Variants in KIAA1328 observed in about 807,000 individuals in gnomAD.
The protein encoded by KIAA1328 is KIAA1328.
Under a neutral mutation model 68.1 loss-of-function variants are expected in KIAA1328, and 52 were observed. The ratio of observed to expected loss-of-function variants is 0.76; its 90% CI spans 0.61 to 0.96. KIAA1328 has a LOEUF of 0.96. KIAA1328 is among the 40% of genes least tolerant of loss of function. The pLI is 0.00. For synonymous variants in KIAA1328, 232 were observed against 239.4 expected, an observed-to-expected ratio of 0.97 and a Z score of 0.28; for missense variants, 641 against 677.6, an observed-to-expected ratio of 0.95 and a Z score of 0.60.
intron 9 of KIAA1328, among the ~76,000 whole-genome samples, chr18:37,212,561 G>T (rs1034694779): frequency 2.6e-5 from 4 of 152,064 alleles, no homozygotes; most frequent in African/African-American, 9.7e-5. Context: ...AAAGCATGAA[G>T]GGTAATAGTA....
chr18:37,037,422 C>T (rs748593658), intron 6 of KIAA1328, among the ~76,000 whole-genome samples: 27 of 152,220 alleles, frequency 1.8e-4, no homozygotes, highest in Admixed American at 5.2e-4. Flanking sequence ...GTCTTTATAC[C>T]ACTTACCATT....
chr18:36,856,976 A>T (rs530592078), intron 4 of KIAA1328, among the ~76,000 whole-genome samples: 1 of 152,140 alleles, frequency 6.6e-6, no homozygotes, highest in South Asian at 2.1e-4. Context: ...GAACCACTGA[A>T]GCCAAAAAGA....
intron 8 of KIAA1328, among the ~76,000 whole-genome samples, chr18:37,163,852 C>A (rs933177887): frequency 1.3e-5 from 2 of 152,110 alleles, no homozygotes; most frequent in Admixed American, 6.5e-5. Context: ...TTCTGATTCC[C>A]AGAAATCTCA....
At chr18:36,916,368 C>A (rs1285665707) in intron 5 of KIAA1328, among the ~76,000 whole-genome samples, 2 of 151,966 alleles carry the variant, frequency 1.3e-5, no homozygotes, top group African/African-American at 2.4e-5. Context: ...TTTTTAGAAG[C>A]TTTTTCAGTG....
intron 8 of KIAA1328, among the ~76,000 whole-genome samples, chr18:37,161,938 A>G (rs2059288185): frequency 6.6e-6 from 1 of 152,222 alleles, no homozygotes; most frequent in Admixed American, 6.5e-5. Context: ...GTGGAGGTTA[A>G]TCTCTCCTGG....
At chr18:36,915,603 A>G (rs1388544811) in intron 5 of KIAA1328, among the ~76,000 whole-genome samples, 1 of 152,198 alleles carries the variant, frequency 6.6e-6, no homozygotes, top group Admixed American at 6.5e-5. Flanking sequence ...GGGAAATGCA[A>G]ATGAAAACTA....
At chr18:36,965,977 A>C (rs772069579) in intron 6 of KIAA1328, among the ~76,000 whole-genome samples, 3 of 152,088 alleles carry the variant, frequency 2.0e-5, no homozygotes, top group Non-Finnish European at 4.4e-5. Context: ...AACTCCTCAC[A>C]GACTAAAAGG....
intron 6 of KIAA1328, among the ~76,000 whole-genome samples, chr18:37,061,286 T>C (rs1303351141): frequency 6.6e-6 from 1 of 152,156 alleles, no homozygotes; most frequent in Non-Finnish European, 1.5e-5. Flanking sequence ...GCAAAATGAA[T>C]CTGGTCATAG....
intron 6 of KIAA1328, among the ~76,000 whole-genome samples, chr18:36,974,305 A>G (rs758831603): frequency 2.7e-4 from 41 of 151,744 alleles, no homozygotes; most frequent in Non-Finnish European, 5.0e-4. Context: ...ATTTTTTTTT[A>G]TTATCTGCTC....
chr18:37,026,031 A>G (rs2151554309), intron 6 of KIAA1328, among the ~76,000 whole-genome samples: 1 of 152,224 alleles, frequency 6.6e-6, no homozygotes, highest in East Asian at 1.9e-4. Flanking sequence ...AAAAAATGAT[A>G]AAAGGGGATA....
intron 5 of KIAA1328, among the ~76,000 whole-genome samples, chr18:36,893,465 T>TG (rs1556812094): frequency 0.01 from 1,246 of 120,642 alleles, 15 homozygotes; most frequent in Middle Eastern, 0.034. Flanking sequence ...GTGTGTGTTT[T>TG]TGTGTGTGTG....
At chr18:37,100,242 ACAAGGGGTCAGG>A (rs907869252) in intron 7 of KIAA1328, among the ~76,000 whole-genome samples, 9 of 152,230 alleles carry the variant, frequency 5.9e-5, no homozygotes, top group Admixed American at 2.0e-4. Flanking sequence ...CCCAGGAAGC[ACAAGGGGTCAGG>A]CAATTCCCTT....
chr18:37,164,813 A>G (rs1029076734), intron 8 of KIAA1328, among the ~76,000 whole-genome samples: 2 of 152,112 alleles, frequency 1.3e-5, no homozygotes, highest in Admixed American at 1.3e-4. Context: ...GGAGGGTTCT[A>G]TTGTCTTGTA....
At chr18:37,013,180 G>C (rs900359562) in intron 6 of KIAA1328, among the ~76,000 whole-genome samples, 3 of 152,122 alleles carry the variant, frequency 2.0e-5, no homozygotes, top group African/African-American at 7.2e-5. Flanking sequence ...ACAGGATAGG[G>C]TAGCAAGGCA....
intron 5 of KIAA1328, among the ~76,000 whole-genome samples, chr18:36,888,693 T>A (rs1433849454): frequency 6.6e-6 from 1 of 152,144 alleles, no homozygotes; most frequent in Non-Finnish European, 1.5e-5. Context: ...GGTGCAAATC[T>A]CCTTTACCAG....
chr18:36,950,568 G>C (rs77723569), intron 5 of KIAA1328, among the ~76,000 whole-genome samples: 3 of 152,124 alleles, frequency 2.0e-5, no homozygotes, highest in Non-Finnish European at 2.9e-5. Context: ...TGCCTGGGAG[G>C]TCAGTGAAAG....
chr18:37,078,084 C>T (rs2056811194), intron 7 of KIAA1328, among the ~76,000 whole-genome samples: 2 of 152,192 alleles, frequency 1.3e-5, no homozygotes, highest in Admixed American at 1.3e-4. Context: ...AAGTATACTA[C>T]AAGGCTGCAG....
intron 5 of KIAA1328, among the ~76,000 whole-genome samples, chr18:36,953,987 G>T (rs2051284548): frequency 1.8e-5 from 2 of 109,926 alleles, no homozygotes; most frequent in East Asian, 2.7e-4. Context: ...GAATTTGTCT[G>T]ATTGTTTCTT....
Position 37,043,103 on chromosome 18 carries a change from T to A in KIAA1328, c.577-23787T>A, listed in dbSNP as rs187512978. On this transcript the variant is annotated intron_variant, in intron 6 of 9. Coordinates refer to ENST00000280020, the MANE Select transcript of KIAA1328 (RefSeq NM_020776.3). ...GGTTCTTTGTTGTAAAAAAAAATTC[T>A]CTCTCTTTATTGAGATTGTCTATTT... 2.0e-4 allele frequency among the ~76,000 whole-genome samples: 30 copies of A among 152,342 alleles called. 1 individual carries two copies. The highest frequency in any genetic ancestry group is 1.8e-3 in the Admixed American group (28 of 15,302).
Sources: allele counts gnomAD v4.1 joint callset (sites outside exome capture counted in the v4.1 genomes callset), GRCh38; gene constraint gnomAD v4.1.1; transcripts MANE v1.5; gene names NCBI Gene and HGNC (gene_info 2026-07-23, HGNC 2026-07-21).